The following ZBTB8OS variants were observed in gnomAD, a reference collection of about 807,000 sequenced individuals.
The protein encoded by ZBTB8OS is tRNA splicing ligase complex subunit 1.
A neutral mutation model predicts 29.3 loss-of-function variants in ZBTB8OS; 16 were observed. The ratio of observed to expected loss-of-function variants is 0.55; its 90% CI spans 0.37 to 0.83. The LOEUF is 0.83. ZBTB8OS is among the 40% of genes least tolerant of loss of function. ZBTB8OS has a pLI of 0.00. For synonymous variants in ZBTB8OS, 70 were observed against 64.6 expected (o/e 1.08, Z -0.40); for missense variants, 160 against 196.9 (o/e 0.81, Z 1.12).
In ZBTB8OS at chr1:32,650,504, C is replaced by G; in HGVS notation, c.26G>C (p.Arg9Thr). 6.2e-7 allele frequency: 1 copy of G among 1,614,156 alleles called. No individual in the cohort carries two copies. The highest frequency in any genetic ancestry group is 8.5e-7 in the Non-Finnish European group (1 of 1,180,026). ...CTGTTCTTCAGTCAAATTGTAATCT[C>G]TAACATCTTCCTCTTCCTGCGCCAT... MAQEEEDV[R>T]DYNLTEEQKA... is the part of the protein sequence containing the mutation. Residue 9 changes from arginine (R) to threonine (T), a missense_variant, in exon 1 of 7, where the codon AGA (arginine) becomes ACA (threonine). Coordinates refer to ENST00000468695, the MANE Select transcript of ZBTB8OS (RefSeq NM_178547.5).
Position 32,633,679 on chromosome 1 carries a change from T to C in ZBTB8OS, c.293A>G (p.Tyr98Cys), listed in dbSNP as rs773223843. The C allele has an allele frequency of 5.5e-5, 88 of 1,610,508 alleles. No individual in the cohort carries two copies. Among genetic ancestry groups the C allele is most frequent in the Non-Finnish European group, 7.2e-5 (85 of 1,179,234 alleles). Reference protein sequence around the residue: ...LLFHFLDEWLYKFSADEFFIP... With the variant: ...LLFHFLDEWLCKFSADEFFIP... ...GAAGAATTCATCAGCACTGAACTTA[T>C]AAAGCCATTCATCCAAAAAGTGAAA... Residue 98 changes from tyrosine (Y) to cysteine (C), a missense_variant, in exon 4 of 7, where the codon TAT becomes TGT. Coordinates refer to ENST00000468695, the MANE Select transcript of ZBTB8OS (RefSeq NM_178547.5).
intron 1 of ZBTB8OS, among the ~76,000 whole-genome samples, chr1:32,639,190 C>T (rs768326492): frequency 3.3e-5 from 5 of 151,314 alleles, no homozygotes; most frequent in South Asian, 2.1e-4. Context: ...CCCAGATACT[C>T]GGGAGGCTGA....
chr1:32,626,153 G>A (rs964578634), intron 6 of ZBTB8OS, among the ~76,000 whole-genome samples: 8 of 152,118 alleles, frequency 5.3e-5, no homozygotes, highest in African/African-American at 9.7e-5. Context: ...GATTACAGGC[G>A]TGAACCACCA....
intron 1 of ZBTB8OS, among the ~76,000 whole-genome samples, chr1:32,639,793 T>A (rs972009044): frequency 2.6e-5 from 4 of 152,088 alleles, no homozygotes; most frequent in Non-Finnish European, 5.9e-5. Context: ...TTAAAAAAAA[T>A]TTAGTGAAGA....
At chr1:32,643,043 T>C (rs1404791150) in intron 1 of ZBTB8OS, among the ~76,000 whole-genome samples, 1 of 147,808 alleles carries the variant, frequency 6.8e-6, no homozygotes, top group Non-Finnish European at 1.5e-5. Context: ...AATGCTGGAA[T>C]TACAGACGTG....
chr1:32,627,379 G>C, intron 6 of ZBTB8OS, 129 bp downstream of exon 6: 1 of 777,924 alleles, frequency 1.3e-6, no homozygotes, highest in Non-Finnish European at 2.2e-6. Context: ...TATCCAGACA[G>C]GTCAGAGAAG....
Position 32,627,499 on chromosome 1 carries a change from A to C in ZBTB8OS, c.417+9T>G. ...TTCATGTTCTTAATGGCTGGATTTT[A>C]AAACATACCTGAGGGTGCTTGGACA... is the stretch of plus-strand genomic sequence containing the variant. On this transcript the variant is annotated intron_variant, in intron 6 of 6. Transcript: ENST00000468695. 1 of 1,612,886 alleles carries C rather than the reference A, an allele frequency of 6.2e-7. No homozygotes were observed. The highest frequency in any genetic ancestry group is 8.5e-7 in the Non-Finnish European group (1 of 1,179,534).
intron 4 of ZBTB8OS, chr1:32,632,182 T>C: frequency 5.7e-6 from 1 of 175,826 alleles, no homozygotes; most frequent in Non-Finnish European, 1.2e-5. Flanking sequence ...ATTTTTTTTG[T>C]ATTTTTAGTA....
At chr1:32,641,423 A>G (rs12024385) in intron 1 of ZBTB8OS, among the ~76,000 whole-genome samples, 145,042 of 149,574 alleles carry the variant, frequency 0.97, 70,483 homozygotes, top group East Asian at 1. Flanking sequence ...ACAGGGATGC[A>G]CCTCCACGCC....
At chr1:32,642,124 C>G (rs1319207622) in intron 1 of ZBTB8OS, among the ~76,000 whole-genome samples, 1 of 152,046 alleles carries the variant, frequency 6.6e-6, no homozygotes, top group Non-Finnish European at 1.5e-5. Context: ...TACTTTCTAA[C>G]CTGAGTCTGG....
In ZBTB8OS at chr1:32,633,970, T is replaced by C; in HGVS notation, c.225A>G (p.Thr75=). ...ATTTACCTTGGGTTTCTACTTCTAC[T>C]GTTTGGAGGGGCTCCACTGTCCCAG... is the stretch of plus-strand genomic sequence containing the variant. ...TDTGTVEPLQ[T]VEVETQGDDL... Residue 75 remains threonine, a synonymous_variant, in exon 3 of 7, where the codon ACA becomes ACG. Coordinates refer to ENST00000468695, the MANE Select transcript of ZBTB8OS (RefSeq NM_178547.5). 2.5e-6 allele frequency: 4 copies of C among 1,586,134 alleles called. No homozygotes were observed. Among genetic ancestry groups the C allele is most frequent in the Non-Finnish European group, 3.4e-6 (4 of 1,172,598 alleles).
intron 4 of ZBTB8OS, 47 bp downstream of exon 4, chr1:32,633,598 G>T: frequency 7.5e-7 from 1 of 1,327,766 alleles, no homozygotes; most frequent in South Asian, 1.3e-5. Context: ...TTTAAAATAT[G>T]AACTAAGAAT....
Position 32,631,800 on chromosome 1 carries a change from G to A in ZBTB8OS, c.380+27C>T, listed in dbSNP as rs374971477. The A allele has an allele frequency of 9.3e-6, 14 of 1,512,630 alleles. No individual in the cohort carries two copies. The East Asian group carries it at 1.1e-4, about 12-fold the overall frequency. The allele number at this position is 1,512,630 out of a possible 1,614,324, so 93.7% of individuals were successfully genotyped here. On this transcript the variant is annotated intron_variant, in intron 5 of 6. Transcript: ENST00000468695. ...TCAATGAAGAATATAACTTTAACTCGGTACTTAAAAGACTTTCAAAACTTA... is the reference window on the plus strand; with the variant it reads ...TCAATGAAGAATATAACTTTAACTCAGTACTTAAAAGACTTTCAAAACTTA...
At chr1:32,621,982 A>G in intron 6 of ZBTB8OS, 34 bp from the exon 7 acceptor site, 2 of 1,301,486 alleles carry the variant, frequency 1.5e-6, no homozygotes, top group Non-Finnish European at 2.1e-6. Flanking sequence ...AAAAAAAAAA[A>G]GGAAAATAGG....
intron 1 of ZBTB8OS, among the ~76,000 whole-genome samples, chr1:32,647,767 A>T (rs756712417): frequency 4.6e-5 from 7 of 152,310 alleles, no homozygotes; most frequent in Non-Finnish European, 8.8e-5. Context: ...ACAAGAAAAC[A>T]AGTTCAGGGC....
At position 32,649,667 on chromosome 1, in the gene ZBTB8OS, CATTTT is replaced by C. The variant is rs1292518900; in HGVS notation, c.97+761_97+765del. On this transcript the variant is annotated intron_variant, in intron 1 of 6. Coordinates refer to ENST00000468695, the MANE Select transcript of ZBTB8OS (RefSeq NM_178547.5). ...ACACACACACACACACACACACACA[CATTTT>C]TTTTTTTTTTTGAGACAGAGTTTCG... 2.3e-4 allele frequency among the ~76,000 whole-genome samples: 30 copies of C among 128,038 alleles called. 1 individual carries two copies. The South Asian group carries it at 5.0e-3, about 21-fold the overall frequency. 84.0% of individuals were successfully genotyped at this position (128,038 alleles called of 152,430 possible). A position where few individuals can be genotyped will look rare whatever the true frequency, so the allele number is the denominator to read the frequency against.
intron 6 of ZBTB8OS, among the ~76,000 whole-genome samples, chr1:32,623,620 T>C (rs1467327340): frequency 6.6e-6 from 1 of 152,166 alleles, no homozygotes; most frequent in Non-Finnish European, 1.5e-5. Flanking sequence ...CTTGATCCTA[T>C]ACTCCCCTTA....
At chr1:32,627,244 A>G (rs976057605) in intron 6 of ZBTB8OS, among the ~76,000 whole-genome samples, 1 of 152,204 alleles carries the variant, frequency 6.6e-6, no homozygotes, top group Non-Finnish European at 1.5e-5. Context: ...AGAAGAAATA[A>G]AGGTCAAAAA....
At chr1:32,649,421 TAA>T (rs1647110120) in intron 1 of ZBTB8OS, among the ~76,000 whole-genome samples, 1 of 151,992 alleles carries the variant, frequency 6.6e-6, no homozygotes, top group African/African-American at 2.4e-5. Flanking sequence ...AGCAGATAAA[TAA>T]AAGTCAGATT....
Sources: gnomAD v4.1 joint callset for allele counts (sites outside exome capture counted in the v4.1 genomes callset) on GRCh38, gnomAD v4.1.1 for gene constraint, MANE v1.5 for transcripts, NCBI Gene and HGNC (gene_info 2026-07-23, HGNC 2026-07-21) for gene names.